The following PANK4 variants were observed in gnomAD, a reference collection of about 807,000 sequenced individuals.
PANK4 encodes 4'-phosphopantetheine phosphatase.
In PANK4, 40 loss-of-function variants were observed where a neutral mutation model predicts 87.9. That is an observed-to-expected ratio of 0.46 (90% CI 0.35 to 0.59). PANK4 has a LOEUF of 0.59. Ranked by LOEUF, PANK4 falls within the 20% of genes least tolerant of loss-of-function variation. PANK4 has a pLI of 0.00. For missense variants in PANK4, 926 were observed against 1,072.3 expected (o/e 0.86, Z 1.90); for synonymous variants, 524 against 467.4 (o/e 1.12, Z -1.56).
In PANK4 at chr1:2,508,823, G is replaced by C. The variant is rs771243319; in HGVS notation, c.*24C>G. On this transcript the variant is annotated 3_prime_UTR_variant, in exon 19 of 19. Transcript: ENST00000378466. This position sits in a 1 kb window ranked among gnomAD's most constrained non-coding sequence, Gnocchi z 5.1. ...ACACATTCCTGACAAGTGACAAGCA[G>C]AAGAGTCCGGCAGCTGCAGCGCCTC... 23 of 1,383,764 alleles carry C rather than the reference G, an allele frequency of 1.7e-5. No homozygotes were observed. The highest frequency in any genetic ancestry group is 3.5e-4 in the Middle Eastern group (2 of 5,660). 85.7% of individuals were successfully genotyped at this position (1,383,764 alleles called of 1,614,324 possible). A position where few individuals can be genotyped will look rare whatever the true frequency, so the allele number is the denominator to read the frequency against.
Position 2,514,065 on chromosome 1 carries a change from G to A in PANK4, c.1512C>T (p.Arg504=). Residue 504 remains arginine (R), a synonymous_variant, in exon 12 of 19, where the codon CGC becomes CGT. Coordinates refer to ENST00000378466, the MANE Select transcript of PANK4 (RefSeq NM_018216.4). The part of the protein sequence containing the change: ...QPFAYGTLTV[R]SLLDTREHCL... The stretch of plus-strand genomic sequence containing the variant: ...AGTGCTCCCTGGTGTCCAGCAGGCT[G>A]CGCACGGTCAGGGTCCCATAGGCGC... 1.2e-6 allele frequency: 2 copies of A among 1,612,808 alleles called. No homozygotes were observed. Among genetic ancestry groups the A allele is most frequent in the Non-Finnish European group, 1.7e-6 (2 of 1,179,866 alleles).
At chr1:2,518,344 A>T (rs1643822450) in intron 8 of PANK4, 80 bp from the exon 9 acceptor site, 2 of 1,076,566 alleles carry the variant, frequency 1.9e-6, no homozygotes, top group Non-Finnish European at 2.8e-6. Flanking sequence ...GAAAGGGTAT[A>T]AAATCGCTTA....
intron 2 of PANK4, 26 bp downstream of exon 2, chr1:2,521,692 C>A: frequency 5.1e-6 from 8 of 1,581,350 alleles, no homozygotes; most frequent in Non-Finnish European, 7.0e-6. Flanking sequence ...GCTGCCCTGC[C>A]CCGGGTGGCC....
In PANK4 at chr1:2,518,520, C is replaced by T; in HGVS notation, c.1113G>A (p.Gln371=). 1.9e-6 allele frequency: 3 copies of T among 1,563,210 alleles called. No homozygotes were observed. The highest frequency in any genetic ancestry group is 1.2e-5 in the South Asian group (1 of 85,190). The change falls in exon 8 of 19, where the codon CAG becomes CAA. Residue 371 remains glutamine (Q), a synonymous_variant. Transcript: ENST00000378466. ...AIGAFLKGAE[Q]DNPNQYSWGE... Reference sequence around the variant, plus strand: ...GGCGCCAGCACCGCGACTCACTGTCCTGCTCAGCTCCTTTCAGGAACGCTC... The same window carrying T: ...GGCGCCAGCACCGCGACTCACTGTCTTGCTCAGCTCCTTTCAGGAACGCTC...
Position 2,520,477 on chromosome 1 carries a change from C to T in PANK4, c.607-63G>A. Reference sequence around the variant, plus strand: ...CCTCAGCCACACAGGCTCCCCCGCCCCCCGCCCCATGTGCTGCGCTGGGGT... The same window carrying T: ...CCTCAGCCACACAGGCTCCCCCGCCTCCCGCCCCATGTGCTGCGCTGGGGT... On this transcript the variant is annotated intron_variant, in intron 4 of 18. Coordinates refer to ENST00000378466, the MANE Select transcript of PANK4 (RefSeq NM_018216.4). The surrounding 1 kb of genome is among the most constrained non-coding windows in gnomAD (Gnocchi z 6.2). 8.2e-7 allele frequency: 1 copy of T among 1,217,602 alleles called. No homozygotes were observed. 75.4% of individuals were successfully genotyped at this position (1,217,602 alleles called of 1,614,324 possible).
At chr1:2,521,358 G>A (rs750954157) in intron 2 of PANK4, 43 bp from the exon 3 acceptor site, 8 of 1,485,840 alleles carry the variant, frequency 5.4e-6, no homozygotes, top group East Asian at 2.3e-5. Context: ...GTGGGACACC[G>A]CGCCGGGCTG....
rs1272648091 is a variant in PANK4, at chr1:2,520,531, G to A, written c.607-117C>T. 6.0e-6 allele frequency: 6 copies of A among 995,472 alleles called. No individual in the cohort carries two copies. Among genetic ancestry groups the A allele is most frequent in the South Asian group, 5.8e-5 (4 of 68,904 alleles). 61.7% of individuals were successfully genotyped at this position (995,472 alleles called of 1,614,324 possible). On this transcript the variant is annotated intron_variant, in intron 4 of 18. Coordinates refer to ENST00000378466, the MANE Select transcript of PANK4 (RefSeq NM_018216.4). This position sits in a 1 kb window ranked among gnomAD's most constrained non-coding sequence, Gnocchi z 6.2. ...CCCCGCCCCCACCCCAACCGCCAGTGGGAGGACTCTCATGGCCAAGCCTGG... is the reference window on the plus strand; with the variant it reads ...CCCCGCCCCCACCCCAACCGCCAGTAGGAGGACTCTCATGGCCAAGCCTGG...
At position 2,511,565 on chromosome 1, in the gene PANK4, C is replaced by G. The variant is rs542407976; in HGVS notation, c.1783+63G>C. ...CCGACCGCAACTGCATTCGCTGTTG[C>G]AGAGAACGTCCAGGCATGGCCCCAG... is the stretch of plus-strand genomic sequence containing the variant. On this transcript the variant is annotated intron_variant, in intron 14 of 18. Transcript: ENST00000378466. The G allele has an allele frequency of 1.0e-5, 13 of 1,243,412 alleles. No individual in the cohort carries two copies. In the South Asian group the frequency reaches 1.3e-4, roughly 13 times the overall value. 77.0% of individuals were successfully genotyped at this position (1,243,412 alleles called of 1,614,324 possible). A position where few individuals can be genotyped will look rare whatever the true frequency, so the allele number is the denominator to read the frequency against.
chr1:2,511,234 G>T, intron 15 of PANK4, 104 bp downstream of exon 15: 1 of 768,954 alleles, frequency 1.3e-6, no homozygotes, highest in Non-Finnish European at 2.3e-6. Context: ...TCTAACAGGA[G>T]GGGAGGGCCA....
Position 2,509,958 on chromosome 1 carries a change from C to G in PANK4, c.2040-28G>C. 1.2e-6 allele frequency: 2 copies of G among 1,600,282 alleles called. No individual in the cohort carries two copies. ...GCCAGATACAAGGTGGTCAGTGCCC[C>G]CAGGAGCTCCCAGTTCAGTGACAAT... On this transcript the variant is annotated intron_variant, in intron 17 of 18. Transcript: ENST00000378466. The surrounding 1 kb of genome is among the most constrained non-coding windows in gnomAD (Gnocchi z 4.9).
Position 2,510,620 on chromosome 1 carries a change from C to A in PANK4, c.1938+58G>T, listed in dbSNP as rs949630047. ...CGCCAGAGGCCCACAGCGGCGCCAACCCCACCGAGAGCAGAGAAGCCCAGG... is the reference window on the plus strand; with the variant it reads ...CGCCAGAGGCCCACAGCGGCGCCAAACCCACCGAGAGCAGAGAAGCCCAGG... On this transcript the variant is annotated intron_variant, in intron 16 of 18. Coordinates refer to ENST00000378466, the MANE Select transcript of PANK4 (RefSeq NM_018216.4). This position sits in a 1 kb window ranked among gnomAD's most constrained non-coding sequence, Gnocchi z 4.9. 1.8e-5 allele frequency: 19 copies of A among 1,051,812 alleles called. No individual in the cohort carries two copies. In the South Asian group the frequency reaches 2.4e-4, roughly 13 times the overall value. 65.2% of individuals were successfully genotyped at this position (1,051,812 alleles called of 1,614,324 possible). A position where few individuals can be genotyped will look rare whatever the true frequency, so the allele number is the denominator to read the frequency against.
chr1:2,519,724 TG>T lies in PANK4; in HGVS notation c.853+76del. 2 of 1,396,524 alleles carry T rather than the reference TG, an allele frequency of 1.4e-6. No individual in the cohort carries two copies. The highest frequency in any genetic ancestry group is 1.9e-6 in the Non-Finnish European group (2 of 1,045,556). The allele number at this position is 1,396,524 out of a possible 1,614,324, so 86.5% of individuals were successfully genotyped here. A position where few individuals can be genotyped will look rare whatever the true frequency, so the allele number is the denominator to read the frequency against. On this transcript the variant is annotated intron_variant, in intron 6 of 18. Coordinates refer to ENST00000378466, the MANE Select transcript of PANK4 (RefSeq NM_018216.4). The surrounding 1 kb of genome is among the most constrained non-coding windows in gnomAD (Gnocchi z 8.3). ...GGGAGCAGTTGTGGGAAAGCAATGG[TG>T]GGGGAAGCTCCTGTCCGTGAGACCC...
Position 2,515,341 on chromosome 1 carries a change from C to G in PANK4, c.1374+221G>C. Reference sequence around the variant, plus strand: ...AACTATCAGCTGCCCTTAGAAGCAACGTGCCTCGCAGACGCCACGTCCTCA... The same window carrying G: ...AACTATCAGCTGCCCTTAGAAGCAAGGTGCCTCGCAGACGCCACGTCCTCA... On this transcript the variant is annotated intron_variant, in intron 10 of 18. Coordinates refer to ENST00000378466, the MANE Select transcript of PANK4 (RefSeq NM_018216.4). This position sits in a 1 kb window ranked among gnomAD's most constrained non-coding sequence, Gnocchi z 5.0. The G allele has an allele frequency of 1.4e-6, 1 of 698,782 alleles. No homozygotes were observed. The highest frequency in any genetic ancestry group is 2.6e-6 in the Non-Finnish European group (1 of 383,206). 43.3% of individuals were successfully genotyped at this position (698,782 alleles called of 1,614,324 possible).
intron 12 of PANK4, among the ~76,000 whole-genome samples, chr1:2,513,680 G>A (rs1643706110): frequency 6.6e-6 from 1 of 152,224 alleles, no homozygotes; most frequent in African/African-American, 2.4e-5. Flanking sequence ...CAGAAGCTGG[G>A]AGGCCCTTGG....
intron 1 of PANK4, among the ~76,000 whole-genome samples, chr1:2,523,158 A>AC (rs1420263138): frequency 6.6e-6 from 1 of 152,206 alleles, no homozygotes; most frequent in East Asian, 1.9e-4. Flanking sequence ...ATTTGGAAAC[A>AC]CCAAGCAAAC....
At position 2,512,947 on chromosome 1, in the gene PANK4, C is replaced by T. The variant is rs138740968; in HGVS notation, c.1668G>A (p.Ala556=). ...DALGWEERQL[A]LVKGLLAGNV... is the part of the protein sequence containing the mutation. Reference sequence around the variant, plus strand: ...TCCCCGCCAGGAGGCCTTTCACCAGCGCCAGCTGCCGTTCCTCCCAGCCCA... The same window carrying T: ...TCCCCGCCAGGAGGCCTTTCACCAGTGCCAGCTGCCGTTCCTCCCAGCCCA... The change falls in exon 13 of 19, where the codon GCG becomes GCA. Residue 556 remains alanine (A), a synonymous_variant. Transcript: ENST00000378466. The T allele has an allele frequency of 1.6e-5, 26 of 1,612,674 alleles. No homozygotes were observed. The highest frequency in any genetic ancestry group is 5.5e-5 in the South Asian group (5 of 91,078).
rs146408465 is a variant in PANK4, at chr1:2,521,766, C to T, written c.159G>A (p.Thr53=). ...GSLTKLAYYS[T]VQHKVAKVRS... The stretch of plus-strand genomic sequence containing the variant: ...GCACCTTGGCGACTTTGTGCTGTAC[C>T]GTTGAATAGTAGGCCAGCTTGGTTA... The change falls in exon 2 of 19, where the codon ACG becomes ACA. Residue 53 remains threonine (T), a synonymous_variant. Transcript: ENST00000378466. 54 of 1,613,992 alleles carry T rather than the reference C, an allele frequency of 3.3e-5. No individual in the cohort carries two copies. The African/African-American group carries it at 3.5e-4, about 10-fold the overall frequency.
intron 14 of PANK4, 62 bp from the exon 15 acceptor site, chr1:2,511,449 C>T (rs955497528): frequency 6.9e-6 from 9 of 1,299,914 alleles, no homozygotes; most frequent in African/African-American, 1.4e-5. Flanking sequence ...CAGGGAGACG[C>T]GTCTTCAGGT....
At chr1:2,511,114 C>T (rs1047767275) in intron 15 of PANK4, among the ~76,000 whole-genome samples, 2 of 152,222 alleles carry the variant, frequency 1.3e-5, no homozygotes, top group African/African-American at 4.8e-5. Context: ...GTGCCTGTCT[C>T]TTCTGGCAAG....
Sources: allele counts gnomAD v4.1 joint callset (sites outside exome capture counted in the v4.1 genomes callset), GRCh38; gene constraint gnomAD v4.1.1; non-coding constraint Gnocchi (gnomAD v3.1); transcripts MANE v1.5; gene names NCBI Gene and HGNC (gene_info 2026-07-23, HGNC 2026-07-21).